The following ATRNL1 variants were observed in gnomAD, a reference collection of about 807,000 sequenced individuals.
ATRNL1 encodes attractin like 1.
In ATRNL1, 95 loss-of-function variants were observed where a neutral mutation model predicts 182.7. The ratio of observed to expected loss-of-function variants is 0.52; its 90% confidence interval spans 0.44 to 0.62. The LOEUF (loss-of-function observed/expected upper bound fraction) is 0.62. Among genes scored for constraint, ATRNL1 ranks in the 20% least tolerant of loss-of-function variants. The pLI, the probability that ATRNL1 is intolerant of heterozygous loss-of-function variation, is 0.00. For synonymous variants in ATRNL1, 576 were observed against 568.3 expected, an observed-to-expected ratio of 1.01 and a Z score of -0.19; for missense variants, 1,471 against 1,679.5, an observed-to-expected ratio of 0.88 and a Z score of 2.17.
At chr10:115,574,646 C>T (rs1422757955) in intron 26 of ATRNL1, among the ~76,000 whole-genome samples, 1 of 152,082 alleles carries the variant, frequency 6.6e-6, no homozygotes, top group Non-Finnish European at 1.5e-5. Flanking sequence ...TCCTATGTTA[C>T]TTGGGCACCA....
chr10:115,509,833 G>A (rs1170633858), intron 24 of ATRNL1, among the ~76,000 whole-genome samples: 1 of 151,944 alleles, frequency 6.6e-6, no homozygotes, highest in Admixed American at 6.6e-5. Flanking sequence ...GCTGACATAG[G>A]TGATGATTCC....
At chr10:115,220,023 AC>A (rs1158523717) in intron 9 of ATRNL1, among the ~76,000 whole-genome samples, 1 of 152,188 alleles carries the variant, frequency 6.6e-6, no homozygotes, top group African/African-American at 2.4e-5. Context: ...TGACTCATCA[AC>A]CTGGATTGCT....
At chr10:115,203,702 C>T (rs1554893075) in intron 8 of ATRNL1, among the ~76,000 whole-genome samples, 3 of 150,080 alleles carry the variant, frequency 2.0e-5, no homozygotes, top group African/African-American at 7.4e-5. Context: ...GCCTCAGCCT[C>T]CTGAGTAGCT....
chr10:115,168,864 A>G (rs1004761305), intron 7 of ATRNL1, among the ~76,000 whole-genome samples: 3 of 151,858 alleles, frequency 2.0e-5, no homozygotes, highest in African/African-American at 7.3e-5. Context: ...ATTTGGTGTC[A>G]TATTTAATAA....
At chr10:115,249,269 C>T (rs551149267) in intron 10 of ATRNL1, among the ~76,000 whole-genome samples, 1 of 152,216 alleles carries the variant, frequency 6.6e-6, no homozygotes, top group East Asian at 1.9e-4. Flanking sequence ...GCTGGGATTA[C>T]ATGCGTGAGC....
chr10:115,378,502 C>G (rs1248581349), intron 19 of ATRNL1, among the ~76,000 whole-genome samples: 4 of 152,154 alleles, frequency 2.6e-5, no homozygotes, highest in Non-Finnish European at 5.9e-5. Context: ...ATACTGGGAC[C>G]AAGATCCAAG....
rs1850611849 is a variant in ATRNL1, at chr10:115,515,864, TTTC to T, written c.3655-3393_3655-3391del. Among the ~76,000 whole-genome samples the T allele has an allele frequency of 2.6e-5, 4 of 152,024 alleles. No homozygotes were observed. In the South Asian group the frequency reaches 8.3e-4, roughly 31 times the overall value. Reference sequence around the variant, plus strand: ...CTTAACCAACAAAATCAACCACTACTTTCTTCTTGCAACATTTCTGTTCTTTGA... The same window carrying T: ...CTTAACCAACAAAATCAACCACTACTTTCTTGCAACATTTCTGTTCTTTGA... On this transcript the variant is annotated intron_variant, in intron 24 of 28. Coordinates refer to ENST00000355044, the MANE Select transcript of ATRNL1 (RefSeq NM_207303.4).
At chr10:115,754,901 T>C (rs1358267023) in intron 27 of ATRNL1, among the ~76,000 whole-genome samples, 2 of 152,080 alleles carry the variant, frequency 1.3e-5, no homozygotes, top group African/African-American at 4.8e-5. Flanking sequence ...TGAAAGTTGT[T>C]TTCCTAGGTA....
At chr10:115,609,270 T>C (rs575591021) in intron 26 of ATRNL1, among the ~76,000 whole-genome samples, 8 of 152,194 alleles carry the variant, frequency 5.3e-5, no homozygotes, top group African/African-American at 1.9e-4. Flanking sequence ...TGACATGATG[T>C]GGAATACACT....
At chr10:115,677,755 A>G (rs567534742) in intron 26 of ATRNL1, among the ~76,000 whole-genome samples, 1 of 152,040 alleles carries the variant, frequency 6.6e-6, no homozygotes, top group South Asian at 2.1e-4. Flanking sequence ...AGAGCAAGGA[A>G]ACTCCCAGAG....
intron 26 of ATRNL1, among the ~76,000 whole-genome samples, chr10:115,680,145 C>A (rs563625966): frequency 6.6e-6 from 1 of 152,228 alleles, no homozygotes; most frequent in East Asian, 1.9e-4. Context: ...ACTCCTGATA[C>A]CAATTTCTGG....
chr10:115,855,001 A>C (rs1951147404), intron 28 of ATRNL1, among the ~76,000 whole-genome samples: 1 of 152,136 alleles, frequency 6.6e-6, no homozygotes, highest in African/African-American at 2.4e-5. Flanking sequence ...CTCTGGAATG[A>C]AAGGTCCTCT....
At chr10:115,803,845 T>C (rs1949855939) in intron 27 of ATRNL1, among the ~76,000 whole-genome samples, 2 of 152,184 alleles carry the variant, frequency 1.3e-5, no homozygotes, top group African/African-American at 4.8e-5. Context: ...TGTGTTTTTC[T>C]GCACTCATTA....
At chr10:115,731,237 T>A (rs1347889412) in intron 27 of ATRNL1, among the ~76,000 whole-genome samples, 1 of 152,198 alleles carries the variant, frequency 6.6e-6, no homozygotes, top group African/African-American at 2.4e-5. Flanking sequence ...CTGGTTCTGC[T>A]GCTTTCCTGC....
At position 115,886,547 on chromosome 10, in the gene ATRNL1, G is replaced by A. The variant is rs116526093; in HGVS notation, c.4018+38556G>A. ...AACAAAAACAAGAACAAAAACATTA[G>A]TAACTCTAAATTAATGTTGTTGTTT... On this transcript the variant is annotated intron_variant, in intron 28 of 28. Coordinates refer to ENST00000355044, the MANE Select transcript of ATRNL1 (RefSeq NM_207303.4). Among the ~76,000 whole-genome samples the A allele has an allele frequency of 6.6e-3, 1,000 of 152,182 alleles. 12 individuals are homozygous for A. The highest frequency in any genetic ancestry group is 0.022 in the African/African-American group (914 of 41,532).
rs79189956 is a variant in ATRNL1, at chr10:115,800,882, A to G, written c.3904-46995A>G. ...CAGCCTCCGGAACTACAAGAAATAAATGTCTGTTGGTTAAGCCACCCCAGT... is the reference window on the plus strand; with the variant it reads ...CAGCCTCCGGAACTACAAGAAATAAGTGTCTGTTGGTTAAGCCACCCCAGT... On this transcript the variant is annotated intron_variant, in intron 27 of 28. Coordinates refer to ENST00000355044, the MANE Select transcript of ATRNL1 (RefSeq NM_207303.4). Among the ~76,000 whole-genome samples, 350 of 152,224 alleles carry G rather than the reference A, an allele frequency of 2.3e-3. 1 individual carries two copies. Among genetic ancestry groups the G allele is most frequent in the African/African-American group, 8.1e-3 (337 of 41,576 alleles).
intron 20 of ATRNL1, among the ~76,000 whole-genome samples, chr10:115,424,732 C>A (rs782697152): frequency 6.6e-6 from 1 of 151,956 alleles, no homozygotes; most frequent in Non-Finnish European, 1.5e-5. Context: ...TGATCTCATA[C>A]AAGTTGAGAG....
chr10:115,280,981 C>G (rs1296880198), intron 13 of ATRNL1, among the ~76,000 whole-genome samples: 1 of 152,154 alleles, frequency 6.6e-6, no homozygotes, highest in Non-Finnish European at 1.5e-5. Context: ...GTGTAGTTAG[C>G]TTTGCCTAAT....
chr10:115,296,781 T>C (rs782051154), intron 15 of ATRNL1, among the ~76,000 whole-genome samples: 1 of 152,210 alleles, frequency 6.6e-6, no homozygotes, highest in Non-Finnish European at 1.5e-5. Flanking sequence ...CTGTGAACTG[T>C]AGCTATTTTT....
Sources: gnomAD v4.1 joint callset for allele counts (sites outside exome capture counted in the v4.1 genomes callset) on GRCh38, gnomAD v4.1.1 for gene constraint, MANE v1.5 for transcripts, NCBI Gene and HGNC (gene_info 2026-07-23, HGNC 2026-07-21) for gene names.